Variants in DAB1 observed in about 807,000 individuals in gnomAD.
DAB1 encodes the protein disabled homolog 1.
In DAB1, 15 loss-of-function variants were observed where a neutral mutation model predicts 64.6. That is an observed-to-expected ratio of 0.23 (90% CI 0.16 to 0.36). The LOEUF is 0.36. DAB1 is among the 10% of genes least tolerant of loss of function. DAB1 has a pLI of 1.00. For missense variants in DAB1, 596 were observed against 706.7 expected (o/e 0.84, Z 1.78); for synonymous variants, 235 against 251.9 (o/e 0.93, Z 0.64).
At chr1:57,920,764 A>G (rs1414144951) in intron 5 of DAB1, among the ~76,000 whole-genome samples, 1 of 152,234 alleles carries the variant, frequency 6.6e-6, no homozygotes, top group Admixed American at 6.5e-5. Context: ...AAAGTACTGC[A>G]TATGTATAAG....
chr1:58,496,169 C>CT lies in DAB1; in HGVS notation n.257+9890dup, dbSNP rs375006213. On this transcript the variant is annotated intron_variant and non_coding_transcript_variant, in intron 3 of 20. Coordinates refer to the DAB1 transcript ENST00000485760. ...TTCAATATTCTTTCATTTTTTTAGACTTTTTTTTTTTGGCTTTGGGCATTT... is the reference window on the plus strand; with the variant it reads ...TTCAATATTCTTTCATTTTTTTAGACTTTTTTTTTTTTGGCTTTGGGCATTT... Among the ~76,000 whole-genome samples, 103 of 144,900 alleles carry CT rather than the reference C, an allele frequency of 7.1e-4. No individual in the cohort carries two copies. In the South Asian group the frequency reaches 0.017, roughly 24 times the overall value.
At chr1:58,501,292 G>A (rs1645903026) in intron 3 of DAB1, among the ~76,000 whole-genome samples, 1 of 152,066 alleles carries the variant, frequency 6.6e-6, no homozygotes, top group Non-Finnish European at 1.5e-5. Context: ...TTGACTTAAA[G>A]CAAGAAAGGA....
At chr1:57,822,984 T>TG (rs1491095234), downstream of DAB1, among the ~76,000 whole-genome samples, 1 of 13,502 alleles carries the variant, frequency 7.4e-5, no homozygotes, top group Middle Eastern at 0.036. Flanking sequence ...AATTTAGGAA[T>TG]TTTTTTTTTT....
At chr1:57,967,122 C>G (rs561361069) in intron 5 of DAB1, among the ~76,000 whole-genome samples, 25 of 152,324 alleles carry the variant, frequency 1.6e-4, no homozygotes, top group Non-Finnish European at 2.6e-4. Context: ...AGGCCTGTTG[C>G]ATAGTGCAGA....
chr1:58,207,337 G>A (rs921321269), intron 4 of DAB1, among the ~76,000 whole-genome samples: 1 of 152,192 alleles, frequency 6.6e-6, no homozygotes, highest in Non-Finnish European at 1.5e-5. Context: ...GGAATCTCCA[G>A]GGTAGGAAAA....
In DAB1 at chr1:57,144,756, T is replaced by C. The variant is rs1048660675; in HGVS notation, c.207+534A>G. Among the ~76,000 whole-genome samples, 10 of 152,208 alleles carry C rather than the reference T, an allele frequency of 6.6e-5. No homozygotes were observed. In the East Asian group the frequency reaches 1.9e-3, roughly 29 times the overall value. On this transcript the variant is annotated intron_variant, in intron 3 of 14. Coordinates refer to ENST00000371236, the MANE Select transcript of DAB1 (RefSeq NM_001365792.1). Reference sequence around the variant, plus strand: ...TTAGATTCCTCAGAGAAAAGGCTTCTTTATAGCATTTAAAATCAGAAATCT... The same window carrying C: ...TTAGATTCCTCAGAGAAAAGGCTTCCTTATAGCATTTAAAATCAGAAATCT...
intron 14 of DAB1, among the ~76,000 whole-genome samples, chr1:57,000,712 C>T (rs190698366): frequency 1.3e-5 from 2 of 152,312 alleles, no homozygotes; most frequent in East Asian, 3.9e-4. Context: ...GGGCTTCAAG[C>T]ACGCATATTA....
At chr1:57,608,925 T>G (rs1193227534) in intron 7 of DAB1, among the ~76,000 whole-genome samples, 1 of 152,228 alleles carries the variant, frequency 6.6e-6, no homozygotes, top group Non-Finnish European at 1.5e-5. Context: ...CATCTTTAAG[T>G]TATTGTGAAG....
intron 4 of DAB1, among the ~76,000 whole-genome samples, chr1:58,268,647 T>C (rs1661233413): frequency 6.6e-6 from 1 of 152,222 alleles, no homozygotes; most frequent in Admixed American, 6.5e-5. Context: ...AGAATTTCCA[T>C]GTTCATAGAC....
chr1:57,393,417 G>T (rs11207024), intron 1 of DAB1, among the ~76,000 whole-genome samples: 56,349 of 151,766 alleles, frequency 0.37, 10,855 homozygotes, highest in Non-Finnish European at 0.42. Context: ...AGGAGGCCGG[G>T]TGCAGTGACT....
At chr1:57,731,676 AT>A (rs1237436146) in intron 6 of DAB1, among the ~76,000 whole-genome samples, 1 of 151,910 alleles carries the variant, frequency 6.6e-6, no homozygotes, top group African/African-American at 2.4e-5. Context: ...ATGGTGGTGC[AT>A]GTCTGTAATC....
intron 2 of DAB1, among the ~76,000 whole-genome samples, chr1:57,269,027 T>C (rs1273449402): frequency 6.6e-6 from 1 of 152,034 alleles, no homozygotes; most frequent in East Asian, 1.9e-4. Context: ...GCTGGGGCTG[T>C]GGTGGAGTTA....
At chr1:58,457,034 G>A (rs1048244682) in intron 3 of DAB1, among the ~76,000 whole-genome samples, 1 of 152,246 alleles carries the variant, frequency 6.6e-6, no homozygotes, top group Middle Eastern at 3.4e-3. Context: ...CTATGTGCCC[G>A]CAAAATCCAT....
chr1:58,526,601 CAAAA>C (rs10574530), intron 2 of DAB1, among the ~76,000 whole-genome samples: 16 of 121,390 alleles, frequency 1.3e-4, no homozygotes, highest in Non-Finnish European at 1.5e-4. Flanking sequence ...CTATGGCTAG[CAAAA>C]AAAAAAAAAA....
chr1:58,223,639 A>G (rs1297542677), intron 4 of DAB1, among the ~76,000 whole-genome samples: 1 of 152,138 alleles, frequency 6.6e-6, no homozygotes, highest in Non-Finnish European at 1.5e-5. Context: ...AATCTGAAGA[A>G]ATTTTCTTTA....
intron 14 of DAB1, among the ~76,000 whole-genome samples, chr1:57,004,299 C>A (rs1298621321): frequency 6.6e-6 from 1 of 152,230 alleles, no homozygotes; most frequent in East Asian, 1.9e-4. Context: ...CTCTTGGAAG[C>A]TACCTAAATT....
At chr1:57,243,103 A>C (rs148200713) in intron 2 of DAB1, among the ~76,000 whole-genome samples, 108 of 152,348 alleles carry the variant, frequency 7.1e-4, no homozygotes, top group African/African-American at 2.5e-3. Flanking sequence ...ACTCCAGTTT[A>C]TGTGTGAGCC....
chr1:57,238,453 T>C (rs1170293092), intron 2 of DAB1, among the ~76,000 whole-genome samples: 1 of 152,238 alleles, frequency 6.6e-6, no homozygotes, highest in Non-Finnish European at 1.5e-5. Context: ...ATTTAGATGC[T>C]GCTATCTGTC....
At chr1:57,189,295 C>T (rs1332024772) in intron 2 of DAB1, among the ~76,000 whole-genome samples, 1 of 152,088 alleles carries the variant, frequency 6.6e-6, no homozygotes, top group Non-Finnish European at 1.5e-5. Flanking sequence ...TCAGAGAAAC[C>T]AAAGTACATG....
Sources: gnomAD v4.1 joint callset for allele counts (sites outside exome capture counted in the v4.1 genomes callset) on GRCh38, gnomAD v4.1.1 for gene constraint, MANE v1.5 for transcripts, NCBI Gene and HGNC (gene_info 2026-07-23, HGNC 2026-07-21) for gene names.